The following TSNARE1 variants were observed in gnomAD, a reference collection of about 807,000 sequenced individuals.
TSNARE1 encodes t-SNARE domain containing 1.
Under a neutral mutation model 62.0 loss-of-function variants are expected in TSNARE1, and 49 were observed. The ratio of observed to expected loss-of-function variants is 0.79; its 90% CI spans 0.63 to 1.00. The LOEUF is 1.00. Ranked by LOEUF, TSNARE1 falls within the 50% of genes least tolerant of loss-of-function variation. The probability of loss-of-function intolerance (pLI) is 0.00; values close to 1 mark genes in which losing one functional copy is unlikely to be tolerated. For missense variants in TSNARE1, 755 were observed against 700.1 expected (o/e 1.08, Z -0.88); for synonymous variants, 328 against 294.4 (o/e 1.11, Z -1.17).
At chr8:142,313,666 T>C (rs1828031850) in intron 9 of TSNARE1, among the ~76,000 whole-genome samples, 1 of 151,872 alleles carries the variant, frequency 6.6e-6, no homozygotes, top group Non-Finnish European at 1.5e-5. Context: ...TCTCTGTGTG[T>C]CTGTGTCTCT....
intron 6 of TSNARE1, among the ~76,000 whole-genome samples, chr8:142,327,617 C>T (rs1445081941): frequency 1.3e-5 from 2 of 152,230 alleles, no homozygotes; most frequent in African/African-American, 4.8e-5. Context: ...CCCTCTGCCA[C>T]AGGGACTTGC....
chr8:142,344,735 C>A (rs1052527003), intron 3 of TSNARE1, among the ~76,000 whole-genome samples: 1 of 152,206 alleles, frequency 6.6e-6, no homozygotes, highest in Admixed American at 6.5e-5. Flanking sequence ...CACCACTAGC[C>A]CTGCCTGCCC....
intron 1 of TSNARE1, among the ~76,000 whole-genome samples, chr8:142,372,045 A>G (rs1360371092): frequency 2.6e-5 from 4 of 152,204 alleles, no homozygotes; most frequent in Non-Finnish European, 5.9e-5. Context: ...CAGGGTTGCC[A>G]TCAACCAAGG....
intron 12 of TSNARE1, among the ~76,000 whole-genome samples, chr8:142,249,540 G>C (rs998744566): frequency 1.3e-5 from 2 of 152,244 alleles, no homozygotes; most frequent in African/African-American, 4.8e-5. Flanking sequence ...AGCCAAAACA[G>C]AGAGGACTTG....
rs1366191786 is a variant in TSNARE1 at position 142,344,055 on chromosome 8, A to C, written c.656T>G (p.Leu219Arg). ...CACCTGCTCCACGGGCGTGAGAGCC[A>C]GGGCCTGGGGCTTGCCGGAACCAGG... Reference protein sequence around the residue: ...PSPGSGKPQALALTPVEQVVA... With the variant: ...PSPGSGKPQARALTPVEQVVA... The change falls in exon 4 of 14, where the codon CTG becomes CGG. Residue 219 changes from leucine to arginine, a missense_variant. Leu to Arg is a moderately radical substitution (Grantham distance 102). Transcript: ENST00000524325. 2 of 1,596,850 alleles carry C rather than the reference A, an allele frequency of 1.3e-6. No homozygotes were observed. The highest frequency in any genetic ancestry group is 1.1e-5 in the South Asian group (1 of 89,368).
At chr8:142,308,166 G>A (rs978044526) in intron 9 of TSNARE1, among the ~76,000 whole-genome samples, 13 of 152,152 alleles carry the variant, frequency 8.5e-5, no homozygotes, top group East Asian at 5.8e-4. Context: ...TTGTACAAAC[G>A]CCCTGTCTTG....
chr8:142,238,968 C>T (rs548126247), intron 12 of TSNARE1, among the ~76,000 whole-genome samples: 23 of 152,266 alleles, frequency 1.5e-4, no homozygotes, highest in African/African-American at 3.4e-4. Flanking sequence ...AGAATCCCAC[C>T]GGGGCAGGGG....
In TSNARE1 at chr8:142,286,229, G is replaced by A. The variant is rs1822721583; in HGVS notation, c.1291-1744C>T. ...CATGGCTGGGTTCCAGCCAAGTCCA[G>A]GGGAAGATCCTTCAGGCCTGCCGTG... On this transcript the variant is annotated intron_variant, in intron 10 of 13. Coordinates refer to ENST00000524325, the MANE Select transcript of TSNARE1 (RefSeq NM_145003.5). 2.6e-5 allele frequency among the ~76,000 whole-genome samples: 4 copies of A among 152,284 alleles called. No individual in the cohort carries two copies. The South Asian group carries it at 8.3e-4, about 32-fold the overall frequency.
At chr8:142,241,519 A>T (rs931318008) in intron 12 of TSNARE1, among the ~76,000 whole-genome samples, 1 of 152,226 alleles carries the variant, frequency 6.6e-6, no homozygotes, top group African/African-American at 2.4e-5. Flanking sequence ...TAAAATTTGT[A>T]TGGAACCACA....
At position 142,331,878 on chromosome 8, in the gene TSNARE1, C is replaced by T. The variant is rs759045391; in HGVS notation, c.746-47G>A. On this transcript the variant is annotated intron_variant, in intron 4 of 13. Coordinates refer to ENST00000524325, the MANE Select transcript of TSNARE1 (RefSeq NM_145003.5). ...GAAAGAACACAGGCTAAGGGTGAAG[C>T]CTGCAGGCCCAGCTCTGCTAACCGC... The T allele has an allele frequency of 1.9e-6, 3 of 1,551,808 alleles. No homozygotes were observed. In the African/African-American group the frequency reaches 4.1e-5, roughly 21 times the overall value.
chr8:142,375,288 C>A (rs1288291105), intron 1 of TSNARE1, among the ~76,000 whole-genome samples: 1 of 152,272 alleles, frequency 6.6e-6, no homozygotes, highest in Non-Finnish European at 1.5e-5. Context: ...GACAGGGGTG[C>A]ACACCCAGGG....
intron 1 of TSNARE1, among the ~76,000 whole-genome samples, chr8:142,401,061 G>A (rs926692050): frequency 5.3e-5 from 8 of 152,164 alleles, no homozygotes; most frequent in African/African-American, 1.9e-4. Flanking sequence ...CCATGGTCGA[G>A]GCATGTTTGT....
intron 1 of TSNARE1, among the ~76,000 whole-genome samples, chr8:142,379,089 A>T (rs1836542031): frequency 6.6e-6 from 1 of 152,228 alleles, no homozygotes; most frequent in South Asian, 2.1e-4. Flanking sequence ...CAGAGGACCA[A>T]GCCCGCAGCA....
At chr8:142,270,146 C>A in intron 12 of TSNARE1, 2 of 985,448 alleles carry the variant, frequency 2.0e-6, no homozygotes, top group South Asian at 9.4e-5. Context: ...TGCTCGCTCC[C>A]GACGGCTGCC....
At position 142,283,040 on chromosome 8, in the gene TSNARE1, G is replaced by A. The variant is rs1039545901; in HGVS notation, c.1363+1373C>T. On this transcript the variant is annotated intron_variant, in intron 11 of 13. Coordinates refer to ENST00000524325, the MANE Select transcript of TSNARE1 (RefSeq NM_145003.5). Reference sequence around the variant, plus strand: ...CGGGGTCAGTGTCTGCCAATGAGCAGAGGCGGGACCAGTGTCTGTCAGTGA... The same window carrying A: ...CGGGGTCAGTGTCTGCCAATGAGCAAAGGCGGGACCAGTGTCTGTCAGTGA... Among the ~76,000 whole-genome samples, 12 of 148,512 alleles carry A rather than the reference G, an allele frequency of 8.1e-5. No individual in the cohort carries two copies. The South Asian group carries it at 1.5e-3, about 18-fold the overall frequency.
At chr8:142,335,890 C>T (rs911186723) in intron 4 of TSNARE1, among the ~76,000 whole-genome samples, 1 of 152,340 alleles carries the variant, frequency 6.6e-6, no homozygotes, top group Admixed American at 6.5e-5. Context: ...ATGAAGAATG[C>T]AGATGACAGG....
intron 12 of TSNARE1, among the ~76,000 whole-genome samples, chr8:142,234,685 G>T (rs968617122): frequency 1.3e-5 from 2 of 152,194 alleles, no homozygotes; most frequent in Non-Finnish European, 2.9e-5. Flanking sequence ...GGAATGCTGG[G>T]CTGTCAGTCA....
chr8:142,300,194 G>A, intron 10 of TSNARE1: 1 of 303,378 alleles, frequency 3.3e-6, no homozygotes, highest in East Asian at 5.5e-5. Flanking sequence ...TGGCCATGGT[G>A]ACTGAGAGGC....
intron 1 of TSNARE1, among the ~76,000 whole-genome samples, chr8:142,371,434 G>A (rs933486050): frequency 2.0e-5 from 3 of 152,190 alleles, no homozygotes; most frequent in Admixed American, 6.5e-5. Context: ...GTGTCTTGAC[G>A]ACAGTGGTGA....
Sources: gnomAD v4.1 joint callset for allele counts (sites outside exome capture counted in the v4.1 genomes callset) on GRCh38, gnomAD v4.1.1 for gene constraint, MANE v1.5 for transcripts, NCBI Gene and HGNC (gene_info 2026-07-23, HGNC 2026-07-21) for gene names.